Variants in STYK1 observed in about 807,000 individuals in gnomAD.
STYK1 encodes STY kinase 1, also known as tyrosine-protein kinase STYK1.
In STYK1, 46 loss-of-function variants were observed where a neutral mutation model predicts 48.1. The observed-to-expected ratio is 0.96, with a 90% CI of 0.75 to 1.22. STYK1 has a LOEUF of 1.22. Ranked by LOEUF, STYK1 falls within the 50% of genes most tolerant of loss-of-function variation. The probability of loss-of-function intolerance (pLI) is 0.00; values close to 1 mark genes in which losing one functional copy is unlikely to be tolerated. For synonymous variants in STYK1, 188 were observed against 189.0 expected, an observed-to-expected ratio of 0.99 and a Z score of 0.04; for missense variants, 527 against 521.1, an observed-to-expected ratio of 1.01 and a Z score of -0.11.
At chr12:10,634,722 A>C (rs577108759) in intron 2 of STYK1, 36 bp from the exon 3 acceptor site, 113 of 1,328,762 alleles carry the variant, frequency 8.5e-5, no homozygotes, top group Non-Finnish European at 2.6e-5. Flanking sequence ...AAATAAAATG[A>C]ATGAAAAAAA....
chr12:10,624,865 A>G lies in STYK1; in HGVS notation c.718-6T>C. On this transcript the variant is annotated splice_region_variant and splice_polypyrimidine_tract_variant and intron_variant, in intron 7 of 10. Coordinates refer to ENST00000075503, the MANE Select transcript of STYK1 (RefSeq NM_018423.3). ...TGCTTCTCCTGCAGGAATTCCTGTC[A>G]AGATAAAATCAAATATGATCAGCTG... 1 of 1,613,704 alleles carries G rather than the reference A, an allele frequency of 6.2e-7. No individual in the cohort carries two copies. Among genetic ancestry groups the G allele is most frequent in the Non-Finnish European group, 8.5e-7 (1 of 1,179,616 alleles).
chr12:10,629,008 T>C (rs1947390085), intron 6 of STYK1, among the ~76,000 whole-genome samples: 1 of 152,222 alleles, frequency 6.6e-6, no homozygotes, highest in South Asian at 2.1e-4. Context: ...GTACCAACCA[T>C]GGCCATGTTT....
chr12:10,668,967 G>T (rs1002054862), intron 1 of STYK1, among the ~76,000 whole-genome samples: 1 of 152,134 alleles, frequency 6.6e-6, no homozygotes, highest in Admixed American at 6.6e-5. Context: ...ACTAGAGACT[G>T]GCTGAGCCTG....
intron 5 of STYK1, among the ~76,000 whole-genome samples, chr12:10,630,533 G>T (rs998964235): frequency 1.3e-5 from 2 of 150,484 alleles, no homozygotes; most frequent in Non-Finnish European, 3.0e-5. Context: ...GCAAAGATGA[G>T]CTAGGGAACC....
chr12:10,631,157 G>A lies in STYK1; in HGVS notation c.339C>T (p.Leu113=). 2 of 1,614,232 alleles carry A rather than the reference G, an allele frequency of 1.2e-6. No homozygotes were observed. The highest frequency in any genetic ancestry group is 1.7e-6 in the Non-Finnish European group (2 of 1,180,040). The part of the protein sequence containing the change: ...LAKLQVPREQ[L]SEVLEQICSG... ...TGCAAATCTGCTCCAGAACTTCAGA[G>A]AGTTGCTCCCGCGGCACCTGCAGCT... The change falls in exon 5 of 11, where the codon CTC becomes CTT. Residue 113 remains leucine, a synonymous_variant. Coordinates refer to ENST00000075503, the MANE Select transcript of STYK1 (RefSeq NM_018423.3).
intron 1 of STYK1, chr12:10,673,708 A>G (rs1781216243): frequency 6.6e-6 from 1 of 151,772 alleles, no homozygotes; most frequent in Non-Finnish European, 1.5e-5. Flanking sequence ...CTCTGCACCA[A>G]ATCTGCTGAG....
intron 1 of STYK1, among the ~76,000 whole-genome samples, chr12:10,647,226 G>A (rs1947610545): frequency 6.6e-6 from 1 of 152,230 alleles, no homozygotes; most frequent in African/African-American, 2.4e-5. Flanking sequence ...ACCAGCCCAT[G>A]AAAGCAGCCA....
At position 10,672,341 on chromosome 12, in the gene STYK1, T is replaced by C. The variant is rs1947899594; in HGVS notation, c.-195+1625A>G. Among the ~76,000 whole-genome samples the C allele has an allele frequency of 6.6e-6, 1 of 152,194 alleles. No homozygotes were observed. The highest frequency in any genetic ancestry group is 2.1e-4 in the South Asian group (1 of 4,830). The stretch of plus-strand genomic sequence containing the variant: ...TTACAGCCACTCCCCATCGCTGTCA[T>C]TGCCTCCTGAGCTCCTCCTCCTGTC... On this transcript the variant is annotated intron_variant, in intron 1 of 10. Transcript: ENST00000075503. This position sits in a 1 kb window ranked among gnomAD's most constrained non-coding sequence, Gnocchi z 4.0.
chr12:10,626,657 T>C (rs1409074256), intron 7 of STYK1, among the ~76,000 whole-genome samples: 1 of 152,212 alleles, frequency 6.6e-6, no homozygotes, highest in African/African-American at 2.4e-5. Context: ...TGGGTAATTC[T>C]GGTAAAGGTA....
chr12:10,663,283 C>T (rs2120799873), intron 1 of STYK1, among the ~76,000 whole-genome samples: 1 of 152,230 alleles, frequency 6.6e-6, no homozygotes, highest in African/African-American at 2.4e-5. Context: ...CCAGCCCACA[C>T]AATCTTGACT....
At chr12:10,663,426 C>G (rs540431876) in intron 1 of STYK1, among the ~76,000 whole-genome samples, 4 of 151,756 alleles carry the variant, frequency 2.6e-5, no homozygotes, top group Non-Finnish European at 4.4e-5. Flanking sequence ...CAGTGAAACC[C>G]GTCTCTACTA....
chr12:10,627,267 C>G (rs1947369141), intron 7 of STYK1, among the ~76,000 whole-genome samples: 1 of 152,168 alleles, frequency 6.6e-6, no homozygotes, highest in African/African-American at 2.4e-5. Context: ...TCCATATCTT[C>G]TCCCTACTTG....
intron 1 of STYK1, among the ~76,000 whole-genome samples, chr12:10,656,861 A>G (rs891891400): frequency 6.6e-6 from 1 of 152,194 alleles, no homozygotes; most frequent in Admixed American, 6.5e-5. Context: ...CTCAAAATCT[A>G]ATGCTTTGTT....
intron 1 of STYK1, among the ~76,000 whole-genome samples, chr12:10,664,178 A>G (rs1264461140): frequency 6.6e-6 from 1 of 152,116 alleles, no homozygotes; most frequent in African/African-American, 2.4e-5. Context: ...ATAGGGCACT[A>G]CGTTCTGTAG....
chr12:10,625,559 C>T (rs183005248), intron 7 of STYK1, among the ~76,000 whole-genome samples: 109 of 152,170 alleles, frequency 7.2e-4, no homozygotes, highest in African/African-American at 9.6e-4. Context: ...CAATGTAATA[C>T]GTACCAAAAT....
intron 1 of STYK1, among the ~76,000 whole-genome samples, chr12:10,665,012 C>T (rs17742529): frequency 0.06 from 9,075 of 151,490 alleles, 335 homozygotes; most frequent in Non-Finnish European, 0.089. Flanking sequence ...AGATGTGGGA[C>T]CTTCCAATCA....
chr12:10,621,276 G>T (rs1249975978), intron 10 of STYK1, among the ~76,000 whole-genome samples: 4 of 151,964 alleles, frequency 2.6e-5, no homozygotes. Context: ...CTGCCTCTAG[G>T]TTGGTTCACT....
At position 10,620,159 on chromosome 12, in the gene STYK1, G is replaced by C; in HGVS notation, c.1254C>G (p.Asn418Lys). ...AGIRVESLFY[N>K]YSML ...CCGAGACTCTTCAAAGCATGCTATA[G>C]TTGTAGAAGAGGCTCTCCACTCTGA... The change falls in exon 11 of 11, where the codon AAC (asparagine) becomes AAG (lysine). Residue 418 changes from asparagine (N) to lysine (K), a missense_variant. By Grantham distance (94) the Asn-to-Lys change is moderately conservative (BLOSUM62 0). Transcript: ENST00000075503. 1.2e-6 allele frequency: 2 copies of C among 1,614,188 alleles called. No homozygotes were observed. The highest frequency in any genetic ancestry group is 1.7e-6 in the Non-Finnish European group (2 of 1,180,032).
At chr12:10,636,183 C>T (rs533632733) in intron 2 of STYK1, among the ~76,000 whole-genome samples, 1 of 152,240 alleles carries the variant, frequency 6.6e-6, no homozygotes, top group South Asian at 2.1e-4. Flanking sequence ...TCTCTCAGTG[C>T]CTGAAAGACC....
Sources: allele counts gnomAD v4.1 joint callset (sites outside exome capture counted in the v4.1 genomes callset), GRCh38; gene constraint gnomAD v4.1.1; non-coding constraint Gnocchi (gnomAD v3.1); transcripts MANE v1.5; gene names NCBI Gene and HGNC (gene_info 2026-07-23, HGNC 2026-07-21).